The following RBFOX3 variants were observed in gnomAD, a reference collection of about 807,000 sequenced individuals.
RBFOX3 encodes RNA binding protein fox-1 homolog 3.
In RBFOX3, 17 loss-of-function variants were observed where a neutral mutation model predicts 48.7. The observed-to-expected ratio is 0.35, with a 90% CI of 0.24 to 0.52. The LOEUF is 0.52. RBFOX3 is among the 20% of genes least tolerant of loss of function. The pLI, the probability that RBFOX3 is intolerant of heterozygous loss-of-function variation, is 0.94. For missense variants in RBFOX3, 382 were observed against 497.5 expected (o/e 0.77, Z 2.21); for synonymous variants, 212 against 209.5 (o/e 1.01, Z -0.10).
At chr17:79,438,628 A>C (rs1261664632) in intron 2 of RBFOX3, among the ~76,000 whole-genome samples, 1 of 152,238 alleles carries the variant, frequency 6.6e-6, no homozygotes, top group African/African-American at 2.4e-5. Flanking sequence ...AGCCTGGCCC[A>C]GTACCACATA....
chr17:79,649,663 G>A, the RBFOX3 span, among the ~76,000 whole-genome samples: 11 of 152,142 alleles, frequency 7.2e-5, no homozygotes, highest in Non-Finnish European at 1.0e-4. Flanking sequence ...CGGAGATAGC[G>A]CCATTGCACT....
In RBFOX3 at chr17:79,568,001, G is replaced by A. The variant is rs887967358; in HGVS notation, c.-320+42825C>T. Among the ~76,000 whole-genome samples the A allele has an allele frequency of 9.3e-3, 1,412 of 152,274 alleles. 22 individuals are homozygous for A. Among genetic ancestry groups the A allele is most frequent in the African/African-American group, 0.032 (1,334 of 41,536 alleles). Reference sequence around the variant, plus strand: ...TGTAAAGTCTCCTGGAACCCTTCTAGGATGCTCCCAGAACAGCATGGGTGC... The same window carrying A: ...TGTAAAGTCTCCTGGAACCCTTCTAAGATGCTCCCAGAACAGCATGGGTGC... On this transcript the variant is annotated intron_variant, in intron 1 of 14. Coordinates refer to ENST00000693108, the MANE Select transcript of RBFOX3 (RefSeq NM_001350451.2).
chr17:79,471,154 G>T lies in RBFOX3; in HGVS notation c.-175+11300C>A, dbSNP rs2077009977. ...TTGACATCCATAATGCAGAATGGAG[G>T]TGAGTCCTGGGTCCCCAGCACCCCT... On this transcript the variant is annotated intron_variant, in intron 2 of 14. Coordinates refer to ENST00000693108, the MANE Select transcript of RBFOX3 (RefSeq NM_001350451.2). The surrounding 1 kb of genome is among the most constrained non-coding windows in gnomAD (Gnocchi z 4.0). Among the ~76,000 whole-genome samples, 1 of 152,176 alleles carries T rather than the reference G, an allele frequency of 6.6e-6. No homozygotes were observed. The highest frequency in any genetic ancestry group is 2.4e-5 in the African/African-American group (1 of 41,420).
At chr17:79,341,187 C>T (rs554014080) in intron 2 of RBFOX3, among the ~76,000 whole-genome samples, 133 of 152,264 alleles carry the variant, frequency 8.7e-4, no homozygotes, top group Admixed American at 3.1e-3. Flanking sequence ...CACCTGTAGG[C>T]GTGGGTGTGT....
chr17:79,367,955 A>T (rs901336529), intron 2 of RBFOX3, among the ~76,000 whole-genome samples: 2 of 152,144 alleles, frequency 1.3e-5, no homozygotes, highest in African/African-American at 4.8e-5. Flanking sequence ...AGGGCTGGGG[A>T]ATTAACTTCA....
chr17:79,383,309 G>A (rs1023715776), intron 2 of RBFOX3, among the ~76,000 whole-genome samples: 2 of 152,206 alleles, frequency 1.3e-5, no homozygotes, highest in Non-Finnish European at 2.9e-5. Context: ...TAACACGGCT[G>A]GCCACGTGAC....
rs1206528855 is a variant in RBFOX3 at position 79,443,555 on chromosome 17, G to T, written c.-175+38899C>A. On this transcript the variant is annotated intron_variant, in intron 2 of 14. Transcript: ENST00000693108. The surrounding 1 kb of genome is among the most constrained non-coding windows in gnomAD (Gnocchi z 4.4). ...CTGACACCACTCCCGGCTAATTTTT[G>T]TATTTTTAGTAGAGATGGGGTTTCA... Among the ~76,000 whole-genome samples, 2 of 151,994 alleles carry T rather than the reference G, an allele frequency of 1.3e-5. No homozygotes were observed. Among genetic ancestry groups the T allele is most frequent in the Non-Finnish European group, 2.9e-5 (2 of 67,978 alleles).
chr17:79,181,962 AACACACACACACACACACACAC>A (rs56842759), intron 4 of RBFOX3, among the ~76,000 whole-genome samples: 25 of 148,408 alleles, frequency 1.7e-4, no homozygotes, highest in East Asian at 1.0e-3. Flanking sequence ...GTCTCCAAGA[AACACACACACACACACACACAC>A]ACACACACAC....
At chr17:79,095,676 T>G in intron 12 of RBFOX3, 102 bp from the exon 13 acceptor site, 1 of 1,032,852 alleles carries the variant, frequency 9.7e-7, no homozygotes, top group Non-Finnish European at 1.4e-6. Flanking sequence ...GGTGGGGCCC[T>G]GGGAGGGACT....
intron 2 of RBFOX3, among the ~76,000 whole-genome samples, chr17:79,441,225 G>GTGGGCCAGGCTC (rs2070843774): frequency 6.6e-6 from 1 of 152,230 alleles, no homozygotes; most frequent in African/African-American, 2.4e-5. Flanking sequence ...TGTGACGAGG[G>GTGGGCCAGGCTC]TGGGCCAGGC....
At chr17:79,229,996 G>A (rs1406931773) in intron 4 of RBFOX3, among the ~76,000 whole-genome samples, 1 of 152,160 alleles carries the variant, frequency 6.6e-6, no homozygotes, top group African/African-American at 2.4e-5. Context: ...TAAAGGATTG[G>A]GTATGTCCGA....
At chr17:79,217,080 C>T (rs994212175) in intron 4 of RBFOX3, among the ~76,000 whole-genome samples, 4 of 152,202 alleles carry the variant, frequency 2.6e-5, no homozygotes, top group Admixed American at 1.3e-4. Context: ...CACACCCTTG[C>T]TACCAAGGGG....
chr17:79,477,456 T>A lies in RBFOX3; in HGVS notation c.-175+4998A>T, dbSNP rs367860241. On this transcript the variant is annotated intron_variant, in intron 2 of 14. Coordinates refer to ENST00000693108, the MANE Select transcript of RBFOX3 (RefSeq NM_001350451.2). The surrounding 1 kb of genome is among the most constrained non-coding windows in gnomAD (Gnocchi z 4.8). ...CTGTAGTCCCAGCTACTTGGGAGGC[T>A]GAGGCAGGAGAATGGCGTGAACCCG... Among the ~76,000 whole-genome samples, 4 of 151,392 alleles carry A rather than the reference T, an allele frequency of 2.6e-5. No individual in the cohort carries two copies. The highest frequency in any genetic ancestry group is 4.4e-5 in the Non-Finnish European group (3 of 67,924).
chr17:79,254,973 T>C lies in RBFOX3; in HGVS notation c.-73-19168A>G, dbSNP rs963316438. 6.6e-6 allele frequency among the ~76,000 whole-genome samples: 1 copy of C among 152,158 alleles called. No homozygotes were observed. The highest frequency in any genetic ancestry group is 1.5e-5 in the Non-Finnish European group (1 of 68,020). On this transcript the variant is annotated intron_variant, in intron 3 of 14. Transcript: ENST00000693108. The surrounding 1 kb of genome is among the most constrained non-coding windows in gnomAD (Gnocchi z 4.8). The stretch of plus-strand genomic sequence containing the variant: ...AGGACTATGTGCCCTGAGCCCTCTA[T>C]CCTGGGCAGGAACTGTGGGTCAGAG...
At chr17:79,259,315 G>A (rs1268560819) in intron 3 of RBFOX3, among the ~76,000 whole-genome samples, 1 of 152,204 alleles carries the variant, frequency 6.6e-6, no homozygotes, top group African/African-American at 2.4e-5. Flanking sequence ...ACCGATCTCG[G>A]GTAGGGTCCA....
chr17:79,596,725 G>A (rs888026445), intron 1 of RBFOX3, among the ~76,000 whole-genome samples: 1 of 138,878 alleles, frequency 7.2e-6, no homozygotes, highest in African/African-American at 2.8e-5. Context: ...AGCTGCAGAC[G>A]CCCATCAGGA....
At chr17:79,428,604 C>T (rs1401422376) in intron 2 of RBFOX3, among the ~76,000 whole-genome samples, 7 of 152,320 alleles carry the variant, frequency 4.6e-5, no homozygotes, top group African/African-American at 7.2e-5. Context: ...AAAAAGCCTC[C>T]GACAGCCTCG....
chr17:79,410,212 A>G (rs78005424), intron 2 of RBFOX3, among the ~76,000 whole-genome samples: 1,571 of 152,222 alleles, frequency 0.01, 24 homozygotes, highest in African/African-American at 0.037. Context: ...GGGCCAAGGG[A>G]GTGTCTCTTG....
At chr17:79,152,270 C>A (rs976917575) in intron 4 of RBFOX3, among the ~76,000 whole-genome samples, 3 of 152,118 alleles carry the variant, frequency 2.0e-5, no homozygotes, top group Non-Finnish European at 4.4e-5. Flanking sequence ...ACCCCCGGGG[C>A]GAGACTTCGG....
Sources: allele counts gnomAD v4.1 joint callset (sites outside exome capture counted in the v4.1 genomes callset), GRCh38; gene constraint gnomAD v4.1.1; non-coding constraint Gnocchi (gnomAD v3.1); transcripts MANE v1.5; gene names NCBI Gene and HGNC (gene_info 2026-07-23, HGNC 2026-07-21).